Variants in NOC3L observed in about 807,000 individuals in gnomAD.
The protein encoded by NOC3L is nucleolar complex protein 3 homolog.
A neutral mutation model predicts 102.5 loss-of-function variants in NOC3L; 85 were observed. The ratio of observed to expected loss-of-function variants is 0.83; its 90% CI spans 0.70 to 0.99. The LOEUF is 0.99. NOC3L is among the 50% of genes least tolerant of loss of function. The probability of loss-of-function intolerance (pLI) is 0.00; values close to 1 mark genes in which losing one functional copy is unlikely to be tolerated. For synonymous variants in NOC3L, 303 were observed against 309.4 expected (o/e 0.98, Z 0.22); for missense variants, 878 against 914.9 (o/e 0.96, Z 0.52).
At chr10:94,350,702 G>GC (rs1292228310) in intron 8 of NOC3L, among the ~76,000 whole-genome samples, 3 of 133,214 alleles carry the variant, frequency 2.3e-5, no homozygotes, top group African/African-American at 8.9e-5. Flanking sequence ...TGGCGACAGA[G>GC]CAAGACATCG....
intron 9 of NOC3L, among the ~76,000 whole-genome samples, chr10:94,349,732 C>T (rs1449135489): frequency 1.3e-5 from 2 of 151,772 alleles, no homozygotes; most frequent in Non-Finnish European, 2.9e-5. Flanking sequence ...AAAAAAATCA[C>T]ATGGTGTATA....
intron 14 of NOC3L, among the ~76,000 whole-genome samples, chr10:94,341,397 C>A (rs2054282361): frequency 6.6e-6 from 1 of 150,576 alleles, no homozygotes; most frequent in Non-Finnish European, 1.5e-5. Context: ...ATCACATATA[C>A]CCTGAAACCA....
chr10:94,344,085 G>A (rs1187769613), intron 13 of NOC3L, among the ~76,000 whole-genome samples: 2 of 152,170 alleles, frequency 1.3e-5, no homozygotes, highest in Non-Finnish European at 2.9e-5. Context: ...AGACTTAAGA[G>A]TCATCTGCAT....
chr10:94,356,353 TAAAG>T (rs1408123470), intron 5 of NOC3L, among the ~76,000 whole-genome samples, 178 bp downstream of exon 5: 4 of 152,236 alleles, frequency 2.6e-5, no homozygotes, highest in South Asian at 2.1e-4. Flanking sequence ...ATCAAAAAAA[TAAAG>T]AATCTATTAA....
chr10:94,341,438 A>G (rs1208975015), intron 14 of NOC3L, among the ~76,000 whole-genome samples: 1 of 151,574 alleles, frequency 6.6e-6, no homozygotes. Context: ...ATTTAAAAAA[A>G]AAAAAAAGAA....
chr10:94,351,074 C>G (rs1482189364), intron 8 of NOC3L, among the ~76,000 whole-genome samples: 2 of 151,854 alleles, frequency 1.3e-5, no homozygotes, highest in Admixed American at 1.3e-4. Flanking sequence ...TGTTATAGTT[C>G]TATCAGACAG....
downstream of NOC3L, chr10:94,329,009 A>ACTT (rs1312227307): frequency 6.6e-6 from 1 of 152,170 alleles, no homozygotes; most frequent in African/African-American, 2.4e-5. Context: ...CTGACACTAT[A>ACTT]CTTATATATT....
the NOC3L span, among the ~76,000 whole-genome samples, chr10:94,321,239 T>C: frequency 6.6e-6 from 1 of 152,250 alleles, no homozygotes; most frequent in Non-Finnish European, 1.5e-5. Flanking sequence ...GTGAGCTTTC[T>C]TTTAAATACA....
chr10:94,319,404 A>G, the NOC3L span, among the ~76,000 whole-genome samples: 1 of 152,310 alleles, frequency 6.6e-6, no homozygotes, highest in African/African-American at 2.4e-5. Context: ...ATTTCCATTT[A>G]TTTTATCCCA....
intron 19 of NOC3L, among the ~76,000 whole-genome samples, chr10:94,336,938 G>T (rs531458441): frequency 1.3e-5 from 2 of 151,404 alleles, no homozygotes; most frequent in Non-Finnish European, 2.9e-5. Context: ...GCATGGTGGC[G>T]GGTGCCTGTA....
At chr10:94,322,886 G>A in the NOC3L span, among the ~76,000 whole-genome samples, 2 of 152,142 alleles carry the variant, frequency 1.3e-5, no homozygotes, top group East Asian at 3.9e-4. Context: ...AGCCTGGGAG[G>A]CAGAGGTTTG....
the NOC3L span, among the ~76,000 whole-genome samples, chr10:94,320,948 AG>A: frequency 2.0e-5 from 3 of 152,220 alleles, no homozygotes; most frequent in Non-Finnish European, 2.9e-5. Flanking sequence ...AAAAAAGATG[AG>A]AATGGGAAAA....
chr10:94,356,882 T>C (rs1252444218), intron 4 of NOC3L, among the ~76,000 whole-genome samples: 1 of 152,124 alleles, frequency 6.6e-6, no homozygotes, highest in Admixed American at 6.6e-5. Flanking sequence ...AGAAGATACA[T>C]TAAAAAAGAA....
intron 18 of NOC3L, 115 bp downstream of exon 18, chr10:94,338,493 A>G: frequency 8.5e-7 from 1 of 1,179,280 alleles, no homozygotes; most frequent in Non-Finnish European, 1.1e-6. Flanking sequence ...TAAAAAAGGC[A>G]GCCCCAGAAC....
intron 19 of NOC3L, among the ~76,000 whole-genome samples, chr10:94,336,720 A>G (rs2054222619): frequency 6.6e-6 from 1 of 151,912 alleles, no homozygotes; most frequent in Admixed American, 6.6e-5. Context: ...GATTTTTTAT[A>G]CCATTTTCTC....
At chr10:94,346,846 A>G (rs11187897) in intron 10 of NOC3L, among the ~76,000 whole-genome samples, 10,261 of 152,250 alleles carry the variant, frequency 0.067, 467 homozygotes, top group East Asian at 0.2. Context: ...ACATGCCAAC[A>G]GGATGACAAA....
chr10:94,316,496 T>C, the NOC3L span: 1 of 1,154,932 alleles, frequency 8.7e-7, no homozygotes, highest in Non-Finnish European at 1.3e-6. Flanking sequence ...GAAAGTTGAT[T>C]TGTTTTAAGT....
intron 7 of NOC3L, 152 bp from the exon 8 acceptor site, chr10:94,352,555 C>T (rs1223615659): frequency 4.2e-5 from 26 of 617,462 alleles, no homozygotes; most frequent in Admixed American, 1.5e-4. Flanking sequence ...GGCGTGGTGG[C>T]TCATGCCTGT....
At chr10:94,324,287 G>A in the NOC3L span, 23 of 1,318,046 alleles carry the variant, frequency 1.7e-5, no homozygotes, top group Admixed American at 1.8e-4. Flanking sequence ...GTTTCATATA[G>A]AATGAATGCA....
Sources: allele counts gnomAD v4.1 joint callset (sites outside exome capture counted in the v4.1 genomes callset), GRCh38; gene constraint gnomAD v4.1.1; transcripts MANE v1.5; gene names NCBI Gene and HGNC (gene_info 2026-07-23, HGNC 2026-07-21).